CAB39L: variants seen among roughly 807,000 people sequenced by gnomAD.
CAB39L encodes the protein calcium-binding protein 39-like.
CAB39L carries 23 observed loss-of-function variants against 39.1 expected under a neutral mutation model. The ratio of observed to expected loss-of-function variants is 0.59; its 90% CI spans 0.42 to 0.83. The LOEUF is 0.83. Among genes scored for constraint, CAB39L ranks in the 40% least tolerant of loss-of-function variants. CAB39L has a pLI of 0.00. For missense variants in CAB39L, 366 were observed against 391.9 expected, an observed-to-expected ratio of 0.93 and a Z score of 0.56; for synonymous variants, 126 against 137.2, an observed-to-expected ratio of 0.92 and a Z score of 0.57.
intron 1 of CAB39L, among the ~76,000 whole-genome samples, chr13:49,437,428 G>T (rs969511337): frequency 6.6e-6 from 1 of 152,096 alleles, no homozygotes; most frequent in African/African-American, 2.4e-5. Context: ...CCTTTCCCCA[G>T]AAGCAGTACT....
At chr13:49,321,114 TAAAG>T (rs1324928385) in intron 10 of CAB39L, among the ~76,000 whole-genome samples, 10 of 152,256 alleles carry the variant, frequency 6.6e-5, no homozygotes, top group Non-Finnish European at 1.3e-4. Context: ...ACTAGTGAAA[TAAAG>T]AAAAGCACAA....
chr13:49,378,718 G>A (rs1349652060), intron 4 of CAB39L, among the ~76,000 whole-genome samples: 2 of 56,640 alleles, frequency 3.5e-5, no homozygotes, highest in African/African-American at 1.1e-4. Context: ...GGAGGTGGGG[G>A]TGTCGGCCCC....
chr13:49,337,917 T>C (rs992646538), intron 9 of CAB39L, among the ~76,000 whole-genome samples: 1 of 152,226 alleles, frequency 6.6e-6, no homozygotes, highest in Non-Finnish European at 1.5e-5. Flanking sequence ...CCAGAGCTGT[T>C]CTTGGCTGTC....
intron 10 of CAB39L, among the ~76,000 whole-genome samples, chr13:49,331,043 A>G (rs1954675150): frequency 6.6e-6 from 1 of 152,210 alleles, no homozygotes; most frequent in Non-Finnish European, 1.5e-5. Flanking sequence ...GTACACTGTG[A>G]ATACAGCTGT....
intron 3 of CAB39L, among the ~76,000 whole-genome samples, chr13:49,403,857 T>C (rs76291269): frequency 6.4e-4 from 97 of 151,724 alleles, no homozygotes; most frequent in Non-Finnish European, 1.1e-3. Flanking sequence ...GCAGAAGAAA[T>C]GATTAGTAAA....
chr13:49,377,159 T>C, intron 4 of CAB39L, 28 bp from the exon 5 acceptor site: 1 of 1,590,072 alleles, frequency 6.3e-7, no homozygotes, highest in Non-Finnish European at 8.6e-7. Flanking sequence ...TGCTAACGGT[T>C]AAAAGAATAA....
At chr13:49,344,352 G>A (rs757737732) in intron 7 of CAB39L, 114 bp from the exon 8 acceptor site, 22 of 624,470 alleles carry the variant, frequency 3.5e-5, no homozygotes, top group Non-Finnish European at 5.8e-5. Flanking sequence ...TTTCATTTGC[G>A]CCACAAAATT....
Position 49,341,567 on chromosome 13 carries a change from G to T in CAB39L, c.625-1825C>A, listed in dbSNP as rs182393534. On this transcript the variant is annotated intron_variant, in intron 8 of 10. Coordinates refer to ENST00000409308, the MANE Select transcript of CAB39L (RefSeq NM_001079670.3). Reference sequence around the variant, plus strand: ...ATTATTCTCCTTGCAGTAGAATGAGGTTATCAGAGGCTGGGGAAGGTAGGA... The same window carrying T: ...ATTATTCTCCTTGCAGTAGAATGAGTTTATCAGAGGCTGGGGAAGGTAGGA... 2.0e-4 allele frequency among the ~76,000 whole-genome samples: 30 copies of T among 152,298 alleles called. No homozygotes were observed. In the East Asian group the frequency reaches 5.0e-3, roughly 25 times the overall value.
chr13:49,426,099 C>T (rs911801738), intron 3 of CAB39L, among the ~76,000 whole-genome samples: 4 of 152,168 alleles, frequency 2.6e-5, no homozygotes, highest in African/African-American at 4.8e-5. Flanking sequence ...AAAAGCCACA[C>T]GCACAAATCT....
At chr13:49,317,867 A>G (rs1954207561) in intron 10 of CAB39L, among the ~76,000 whole-genome samples, 1 of 152,196 alleles carries the variant, frequency 6.6e-6, no homozygotes, top group Non-Finnish European at 1.5e-5. Context: ...CATATATCTG[A>G]TCAGTGTCTT....
At chr13:49,425,189 A>T (rs955296182) in intron 3 of CAB39L, among the ~76,000 whole-genome samples, 2 of 146,592 alleles carry the variant, frequency 1.4e-5, no homozygotes, top group South Asian at 4.1e-4. Flanking sequence ...AAAGTCAAAA[A>T]ATAACTAAAC....
intron 10 of CAB39L, among the ~76,000 whole-genome samples, chr13:49,323,263 T>C (rs1010591069): frequency 6.6e-6 from 1 of 152,232 alleles, no homozygotes; most frequent in African/African-American, 2.4e-5. Flanking sequence ...AAGAGAACAC[T>C]GGCTTTGTGC....
chr13:49,357,498 A>C (rs1955519190), intron 6 of CAB39L, among the ~76,000 whole-genome samples: 1 of 152,192 alleles, frequency 6.6e-6, no homozygotes, highest in Non-Finnish European at 1.5e-5. Flanking sequence ...GAGAATTAAA[A>C]CCAGAGGTGT....
chr13:49,375,701 C>A (rs946996309), intron 5 of CAB39L, among the ~76,000 whole-genome samples: 1 of 151,012 alleles, frequency 6.6e-6, no homozygotes, highest in Non-Finnish European at 1.5e-5. Context: ...ATGTAAATGA[C>A]GAGTTAATGG....
intron 3 of CAB39L, among the ~76,000 whole-genome samples, chr13:49,409,977 A>C (rs1002597626): frequency 4.6e-5 from 7 of 152,232 alleles, no homozygotes; most frequent in African/African-American, 1.7e-4. Context: ...ACTCATGTAC[A>C]CCAAATCCTA....
chr13:49,420,950 A>C (rs1434342643), intron 3 of CAB39L, among the ~76,000 whole-genome samples: 1 of 152,188 alleles, frequency 6.6e-6, no homozygotes, highest in South Asian at 2.1e-4. Flanking sequence ...AAAAATAATA[A>C]TCATATCTAA....
chr13:49,380,738 G>C (rs1422844651), intron 4 of CAB39L, among the ~76,000 whole-genome samples: 1 of 151,752 alleles, frequency 6.6e-6, no homozygotes, highest in Non-Finnish European at 1.5e-5. Flanking sequence ...TTAACAATTT[G>C]TCTGAATATT....
Position 49,332,048 on chromosome 13 carries a change from T to C in CAB39L, c.733A>G (p.Met245Val), listed in dbSNP as rs1275045617. The C allele has an allele frequency of 1.2e-6, 2 of 1,614,122 alleles. No homozygotes were observed. Among genetic ancestry groups the C allele is most frequent in the Non-Finnish European group, 1.7e-6 (2 of 1,179,984 alleles). The change falls in exon 10 of 11, where the codon ATG becomes GTG. Residue 245 changes from methionine to valine, a missense_variant. By Grantham distance (21) the Met-to-Val change is conservative. Coordinates refer to ENST00000409308, the MANE Select transcript of CAB39L (RefSeq NM_001079670.3). ...TCCGGCTTGCTGATATACTTTGTCATGATGGCAAAGTTGTGACGGTCCAGG... is the reference window on the plus strand; with the variant it reads ...TCCGGCTTGCTGATATACTTTGTCACGATGGCAAAGTTGTGACGGTCCAGG... The part of the protein sequence containing the change: ...LILDRHNFAI[M>V]TKYISKPENL...
rs193042283 is a variant in CAB39L at position 49,391,167 on chromosome 13, T to C, written c.-31-8226A>G. ...ACTGTCAGAGTGGAATCAGGATTAG[T>C]AACTTCACACCAAATGACAGAAGGC... is the stretch of plus-strand genomic sequence containing the variant. On this transcript the variant is annotated intron_variant, in intron 3 of 10. Coordinates refer to ENST00000409308, the MANE Select transcript of CAB39L (RefSeq NM_001079670.3). Among the ~76,000 whole-genome samples the C allele has an allele frequency of 2.8e-3, 426 of 152,318 alleles. 2 individuals carry two copies. The highest frequency in any genetic ancestry group is 4.7e-3 in the Non-Finnish European group (322 of 68,034).
Sources: allele counts gnomAD v4.1 joint callset (sites outside exome capture counted in the v4.1 genomes callset), GRCh38; gene constraint gnomAD v4.1.1; transcripts MANE v1.5; gene names NCBI Gene and HGNC (gene_info 2026-07-23, HGNC 2026-07-21).